The following RNF121 variants were observed in gnomAD, a reference collection of about 807,000 sequenced individuals.
RNF121 encodes the protein E3 ubiquitin ligase RNF121.
In RNF121, 21 loss-of-function variants were observed where a neutral mutation model predicts 46.5. The ratio of observed to expected loss-of-function variants is 0.45; its 90% CI spans 0.32 to 0.65. The LOEUF (loss-of-function observed/expected upper bound fraction) is 0.65. RNF121 is among the 30% of genes least tolerant of loss of function. The pLI, the probability that RNF121 is intolerant of heterozygous loss-of-function variation, is 0.04. For missense variants in RNF121, 346 were observed against 416.0 expected, an observed-to-expected ratio of 0.83 and a Z score of 1.46; for synonymous variants, 139 against 144.7, an observed-to-expected ratio of 0.96 and a Z score of 0.28.
chr11:71,975,982 C>A (rs1200480132), intron 3 of RNF121, among the ~76,000 whole-genome samples: 3 of 152,146 alleles, frequency 2.0e-5, no homozygotes, highest in Non-Finnish European at 4.4e-5. Context: ...CAACTCCAAC[C>A]GTGTTTCTGC....
At chr11:71,950,001 A>G (rs1421861371) in intron 1 of RNF121, among the ~76,000 whole-genome samples, 2 of 151,412 alleles carry the variant, frequency 1.3e-5, no homozygotes, top group African/African-American at 4.9e-5. Flanking sequence ...ACTCCATCTC[A>G]AAAACAAAAC....
intron 2 of RNF121, among the ~76,000 whole-genome samples, chr11:71,958,022 G>T (rs1954033462): frequency 6.6e-6 from 1 of 152,186 alleles, no homozygotes; most frequent in Admixed American, 6.5e-5. Context: ...GATTTTAGGT[G>T]ATTTTAAGCT....
chr11:71,954,408 T>C (rs1953945058), intron 1 of RNF121, among the ~76,000 whole-genome samples: 1 of 152,190 alleles, frequency 6.6e-6, no homozygotes, highest in Non-Finnish European at 1.5e-5. Flanking sequence ...GTCTCAGCCT[T>C]AGTTCTTGCC....
At chr11:71,978,018 C>A (rs1457845236) in intron 3 of RNF121, 2 of 286,170 alleles carry the variant, frequency 7.0e-6, no homozygotes, top group Non-Finnish European at 1.4e-5. Flanking sequence ...AACATATTTA[C>A]CAAGCAAAAT....
At chr11:71,971,744 A>G (rs1480328868) in intron 3 of RNF121, among the ~76,000 whole-genome samples, 4 of 152,228 alleles carry the variant, frequency 2.6e-5, no homozygotes, top group Non-Finnish European at 5.9e-5. Flanking sequence ...CTTTACATCT[A>G]TTAGGTTGGC....
At position 71,986,786 on chromosome 11, in the gene RNF121, A is replaced by G. The variant is rs199994585; in HGVS notation, c.399-218A>G. 2.0e-3 allele frequency among the ~76,000 whole-genome samples: 302 copies of G among 151,728 alleles called. 1 individual carries two copies. In the East Asian group the frequency reaches 0.031, roughly 16 times the overall value. On this transcript the variant is annotated intron_variant, in intron 4 of 8. Transcript: ENST00000361756. ...TCTCATCTCAAAAAAAAAAAAAAAA[A>G]AAAGAAAAAAAATACAAAGCCCTAG... is the stretch of plus-strand genomic sequence containing the variant.
At chr11:71,970,494 CTACTAAAAA>C (rs1315383786) in intron 3 of RNF121, among the ~76,000 whole-genome samples, 2 of 151,930 alleles carry the variant, frequency 1.3e-5, no homozygotes, top group African/African-American at 4.8e-5. Context: ...GACCCCATTT[CTACTAAAAA>C]TTTTAAAAAT....
chr11:71,943,011 A>T (rs900079462), intron 1 of RNF121, among the ~76,000 whole-genome samples: 5 of 152,082 alleles, frequency 3.3e-5, no homozygotes, highest in Non-Finnish European at 5.9e-5. Context: ...CCCATTCATG[A>T]GGTCTCCACC....
At position 71,951,209 on chromosome 11, in the gene RNF121, C is replaced by CA. The variant is rs35566006; in HGVS notation, c.64-6005dup. Among the ~76,000 whole-genome samples, 466 of 143,110 alleles carry CA rather than the reference C, an allele frequency of 3.3e-3. 6 individuals are homozygous for CA. Among genetic ancestry groups the CA allele is most frequent in the African/African-American group, 5.5e-3 (213 of 38,642 alleles). 93.9% of individuals were successfully genotyped at this position (143,110 alleles called of 152,430 possible). A position where few individuals can be genotyped will look rare whatever the true frequency, so the allele number is the denominator to read the frequency against. Reference sequence around the variant, plus strand: ...ATTGCACAAGAGCAAAACTCCGTCTCAAAAAAAAAAAAATGCAATAATGAA... The same window carrying CA: ...ATTGCACAAGAGCAAAACTCCGTCTCAAAAAAAAAAAAAATGCAATAATGAA... On this transcript the variant is annotated intron_variant, in intron 1 of 8. Transcript: ENST00000361756.
intron 1 of RNF121, among the ~76,000 whole-genome samples, chr11:71,956,987 C>T (rs75718282): frequency 0.024 from 3,713 of 152,324 alleles, 61 homozygotes; most frequent in Middle Eastern, 0.058. Flanking sequence ...TCTTGTCCTC[C>T]TCTGCCCTTA....
intron 6 of RNF121, among the ~76,000 whole-genome samples, chr11:71,991,348 T>C (rs566593505): frequency 6.6e-6 from 1 of 152,344 alleles, no homozygotes; most frequent in East Asian, 1.9e-4. Context: ...CAGTAGATAC[T>C]TTTTAATGCC....
intron 3 of RNF121, among the ~76,000 whole-genome samples, chr11:71,971,075 A>G (rs1485371236): frequency 1.3e-5 from 2 of 152,234 alleles, no homozygotes; most frequent in Non-Finnish European, 2.9e-5. Context: ...AGGTAAAGTT[A>G]TGAAACTAAT....
chr11:71,953,958 A>G (rs1261941444), intron 1 of RNF121, among the ~76,000 whole-genome samples: 2 of 152,174 alleles, frequency 1.3e-5, no homozygotes, highest in African/African-American at 4.8e-5. Flanking sequence ...TTTTTGGTTT[A>G]ATGTCTTTCA....
intron 3 of RNF121, among the ~76,000 whole-genome samples, chr11:71,972,750 A>G (rs1954445813): frequency 6.6e-6 from 1 of 152,024 alleles, no homozygotes; most frequent in Non-Finnish European, 1.5e-5. Context: ...GATGAGAAAC[A>G]CTGTCCTAGG....
chr11:71,968,407 C>T (rs1463993088), intron 3 of RNF121, among the ~76,000 whole-genome samples: 2 of 152,130 alleles, frequency 1.3e-5, no homozygotes, highest in Non-Finnish European at 2.9e-5. Context: ...GTTTGCTATT[C>T]TGTTTGGATG....
intron 1 of RNF121, among the ~76,000 whole-genome samples, chr11:71,931,485 A>G (rs540411901): frequency 9.8e-5 from 15 of 152,320 alleles, no homozygotes; most frequent in Non-Finnish European, 1.8e-4. Context: ...TCAGGTTTCT[A>G]CTAATGTCTC....
intron 3 of RNF121, among the ~76,000 whole-genome samples, chr11:71,961,132 C>G (rs909428947): frequency 6.6e-6 from 1 of 152,044 alleles, no homozygotes; most frequent in Non-Finnish European, 1.5e-5. Flanking sequence ...GTTTTCCCTT[C>G]GAAACATTGT....
chr11:71,948,513 CAAAAAAA>C (rs55762433), intron 1 of RNF121, among the ~76,000 whole-genome samples: 4 of 35,380 alleles, frequency 1.1e-4, no homozygotes, highest in East Asian at 1.3e-3. Flanking sequence ...AAACTGTCTC[CAAAAAAA>C]AAAAAAAAAA....
intron 3 of RNF121, among the ~76,000 whole-genome samples, chr11:71,980,815 T>C (rs192500697): frequency 6.6e-6 from 1 of 152,358 alleles, no homozygotes; most frequent in Admixed American, 6.5e-5. Context: ...AAAATAGATA[T>C]TTGATTTCAA....
Sources: gnomAD v4.1 joint callset for allele counts (sites outside exome capture counted in the v4.1 genomes callset) on GRCh38, gnomAD v4.1.1 for gene constraint, MANE v1.5 for transcripts, NCBI Gene and HGNC (gene_info 2026-07-23, HGNC 2026-07-21) for gene names.